CTBP2: variants seen among roughly 807,000 people sequenced by gnomAD.
CTBP2 encodes the protein C-terminal binding protein 2.
A neutral mutation model predicts 80.3 loss-of-function variants in CTBP2; 30 were observed. The observed-to-expected ratio is 0.37, with a 90% CI of 0.28 to 0.51. The LOEUF (loss-of-function observed/expected upper bound fraction) is 0.51, where lower values mean the gene tolerates loss of function less well. Among genes scored for constraint, CTBP2 ranks in the 20% least tolerant of loss-of-function variants. CTBP2 has a pLI of 0.93. For missense variants in CTBP2, 1,212 were observed against 1,375.3 expected (o/e 0.88, Z 1.88); for synonymous variants, 594 against 587.4 (o/e 1.01, Z -0.16).
At chr10:124,990,519 T>C (rs1952465292) in intron 8 of CTBP2, among the ~76,000 whole-genome samples, 1 of 152,248 alleles carries the variant, frequency 6.6e-6, no homozygotes, top group African/African-American at 2.4e-5. Context: ...ATACTATTTA[T>C]GAATGTGGAT....
At chr10:125,151,532 G>A (rs535254050) in intron 1 of CTBP2, among the ~76,000 whole-genome samples, 1 of 152,302 alleles carries the variant, frequency 6.6e-6, no homozygotes, top group South Asian at 2.1e-4. Flanking sequence ...ATCCCAAGCC[G>A]GTCAAGTGGA....
chr10:125,151,632 T>A (rs1859895345), intron 1 of CTBP2, among the ~76,000 whole-genome samples: 1 of 151,660 alleles, frequency 6.6e-6, no homozygotes. Flanking sequence ...ACCCCAGGAG[T>A]CCCCATGAGT....
chr10:125,001,972 C>T (rs1300183103), intron 3 of CTBP2, among the ~76,000 whole-genome samples: 1 of 150,586 alleles, frequency 6.6e-6, no homozygotes, highest in Non-Finnish European at 1.5e-5. Flanking sequence ...CGCTCACACA[C>T]AGAGCCCATC....
At chr10:125,101,804 G>A (rs928695144) in intron 2 of CTBP2, among the ~76,000 whole-genome samples, 1 of 152,152 alleles carries the variant, frequency 6.6e-6, no homozygotes, top group Non-Finnish European at 1.5e-5. Context: ...CACATGCTAA[G>A]CCTTTGGCTG....
At chr10:125,144,632 C>T (rs893416312) in intron 1 of CTBP2, among the ~76,000 whole-genome samples, 3 of 152,176 alleles carry the variant, frequency 2.0e-5, no homozygotes, top group African/African-American at 7.2e-5. Flanking sequence ...GCTAGAGGCA[C>T]AAGTGAGGGC....
chr10:124,988,326 G>C lies in CTBP2; in HGVS notation c.*1192C>G, dbSNP rs1431216761. ...ATTAGTGAGATGTACTTGAATTTCA[G>C]AACTTAACAAATTTTAATTACTTTT... On this transcript the variant is annotated 3_prime_UTR_variant, in exon 9 of 9. Transcript: ENST00000309035. 1 of 152,594 alleles carries C rather than the reference G, an allele frequency of 6.6e-6. No homozygotes were observed. Among genetic ancestry groups the C allele is most frequent in the African/African-American group, 2.4e-5 (1 of 41,428 alleles). 9.5% of individuals were successfully genotyped at this position (152,594 alleles called of 1,614,324 possible).
chr10:125,106,785 T>A (rs1039012925), intron 2 of CTBP2, among the ~76,000 whole-genome samples: 1 of 152,190 alleles, frequency 6.6e-6, no homozygotes, highest in Non-Finnish European at 1.5e-5. Flanking sequence ...GGTCTCTTCC[T>A]CCCTACTTTG....
intron 2 of CTBP2, among the ~76,000 whole-genome samples, chr10:125,046,537 CAAA>C (rs57913854): frequency 1.2e-3 from 140 of 114,732 alleles, no homozygotes; most frequent in African/African-American, 3.9e-3. Flanking sequence ...GACTCTATCT[CAAA>C]AAAAAAAAAA....
At chr10:125,055,356 A>G (rs1395451209) in intron 2 of CTBP2, among the ~76,000 whole-genome samples, 1 of 152,218 alleles carries the variant, frequency 6.6e-6, no homozygotes, top group Non-Finnish European at 1.5e-5. Flanking sequence ...GGAAGGCTGC[A>G]AAAACCACGC....
chr10:125,095,357 C>T (rs1849388688), intron 2 of CTBP2, among the ~76,000 whole-genome samples: 1 of 152,218 alleles, frequency 6.6e-6, no homozygotes, highest in Admixed American at 6.5e-5. Context: ...GCAGCCCCAG[C>T]TACCACCAGG....
intron 1 of CTBP2, among the ~76,000 whole-genome samples, chr10:125,006,757 AC>A (rs562431760): frequency 1.6e-4 from 25 of 152,216 alleles, no homozygotes; most frequent in African/African-American, 5.5e-4. Flanking sequence ...ATGGAACACG[AC>A]CCTTTCAGGG....
At chr10:125,117,768 G>A (rs984698405) in intron 1 of CTBP2, among the ~76,000 whole-genome samples, 6 of 152,068 alleles carry the variant, frequency 3.9e-5, no homozygotes, top group Non-Finnish European at 8.8e-5. Flanking sequence ...TAATTAGCTT[G>A]GAAACAATTA....
intron 1 of CTBP2, among the ~76,000 whole-genome samples, chr10:125,114,611 T>C (rs999920884): frequency 2.6e-5 from 4 of 152,124 alleles, no homozygotes; most frequent in Non-Finnish European, 5.9e-5. Flanking sequence ...ATCCTTTTCT[T>C]AGAAACTAAA....
At chr10:125,134,357 CAG>C (rs1856635593) in intron 1 of CTBP2, among the ~76,000 whole-genome samples, 1 of 152,158 alleles carries the variant, frequency 6.6e-6, no homozygotes, top group African/African-American at 2.4e-5. Context: ...CCTTGCTCAG[CAG>C]AGACAACAGG....
intron 1 of CTBP2, among the ~76,000 whole-genome samples, chr10:125,118,047 G>A (rs1196198307): frequency 6.6e-6 from 1 of 152,234 alleles, no homozygotes; most frequent in Non-Finnish European, 1.5e-5. Context: ...CAACAGCCAA[G>A]ATTTTAGAAC....
intron 2 of CTBP2, among the ~76,000 whole-genome samples, chr10:125,105,394 T>C (rs1851301175): frequency 6.6e-6 from 1 of 152,244 alleles, no homozygotes. Context: ...TCAAAGGATC[T>C]GCCCTCCTTG....
In CTBP2 at chr10:124,993,902, G is replaced by C; in HGVS notation, c.2484C>G (p.Gly828=). ...CGTCGAGGGCTGCCCCTCGTATCCT[G>C]CCCTCCTTGAGGGCTTGTGCTAAGG... Residue 828 remains glycine, a synonymous_variant, in exon 6 of 9, where the codon GGC becomes GGG. Coordinates refer to ENST00000309035, the MANE Select transcript of CTBP2 (RefSeq NM_022802.3). The C allele has an allele frequency of 6.2e-7, 1 of 1,614,132 alleles. No homozygotes were observed. Among genetic ancestry groups the C allele is most frequent in the Non-Finnish European group, 8.5e-7 (1 of 1,180,038 alleles).
chr10:125,157,560 C>G lies in CTBP2; in HGVS notation c.-206+2759G>C, dbSNP rs11815494. Among the ~76,000 whole-genome samples the G allele has an allele frequency of 3.4e-3, 518 of 152,178 alleles. 1 individual carries two copies. Among genetic ancestry groups the G allele is most frequent in the African/African-American group, 0.012 (482 of 41,480 alleles). On this transcript the variant is annotated intron_variant, in intron 1 of 10. Transcript: ENST00000337195. ...TTCCACAGGGATGTAACTGGGGTCC[C>G]CTACCCCTGGGGCACAAAAAACCAA...
intron 2 of CTBP2, among the ~76,000 whole-genome samples, chr10:125,099,068 T>C (rs942333212): frequency 1.3e-5 from 2 of 152,148 alleles, no homozygotes; most frequent in Non-Finnish European, 2.9e-5. Flanking sequence ...AGAAAAGCCA[T>C]CATACTAGCA....
Sources: allele counts gnomAD v4.1 joint callset (sites outside exome capture counted in the v4.1 genomes callset), GRCh38; gene constraint gnomAD v4.1.1; transcripts MANE v1.5; gene names NCBI Gene and HGNC (gene_info 2026-07-23, HGNC 2026-07-21).